The following DEAF1 variants were observed in gnomAD, a reference collection of about 807,000 sequenced individuals.
DEAF1 encodes the protein deformed epidermal autoregulatory factor 1 homolog.
Under a neutral mutation model 58.9 loss-of-function variants are expected in DEAF1, and 53 were observed. The observed-to-expected ratio is 0.90, with a 90% CI of 0.72 to 1.13. The LOEUF is 1.13. Among genes scored for constraint, DEAF1 ranks in the 50% most tolerant of loss-of-function variants. DEAF1 has a pLI of 0.00. For missense variants in DEAF1, 685 were observed against 791.4 expected, an observed-to-expected ratio of 0.87 and a Z score of 1.61; for synonymous variants, 385 against 340.4, an observed-to-expected ratio of 1.13 and a Z score of -1.44.
chr11:692,784 G>A (rs1440935209), intron 1 of DEAF1, among the ~76,000 whole-genome samples: 9 of 151,994 alleles, frequency 5.9e-5, no homozygotes, highest in Non-Finnish European at 1.2e-4. Context: ...CCCGGGAGGC[G>A]GGAGGTTGCG....
At chr11:651,696 C>T (rs1858779759) in intron 11 of DEAF1, among the ~76,000 whole-genome samples, 1 of 152,154 alleles carries the variant, frequency 6.6e-6, no homozygotes. Context: ...ACCATCCTGG[C>T]TAACACAGTG....
intron 1 of DEAF1, chr11:703,704 C>T: frequency 8.1e-7 from 1 of 1,232,524 alleles, no homozygotes; most frequent in Non-Finnish European, 1.0e-6. Flanking sequence ...AGGCCCGGTG[C>T]AAGAGTGGAC....
At position 674,697 on chromosome 11, in the gene DEAF1, A is replaced by C; in HGVS notation, c.1342T>G (p.Ser448Ala). ...PPALVNGLEL[S>A]EPRSWLYLEE... Reference sequence around the variant, plus strand: ...AGGTACAGCCAGCTCCGCGGCTCTGACAGCTCCAGCCCATTGACCAACGCG... The same window carrying C: ...AGGTACAGCCAGCTCCGCGGCTCTGCCAGCTCCAGCCCATTGACCAACGCG... The change falls in exon 10 of 12, where the codon TCA becomes GCA. Residue 448 changes from serine (S) to alanine (A), a missense_variant. Coordinates refer to ENST00000382409, the MANE Select transcript of DEAF1 (RefSeq NM_021008.4). 6.2e-7 allele frequency: 1 copy of C among 1,614,012 alleles called. No homozygotes were observed. The highest frequency in any genetic ancestry group is 8.5e-7 in the Non-Finnish European group (1 of 1,180,032).
chr11:692,751 C>G (rs1357814435), intron 1 of DEAF1, among the ~76,000 whole-genome samples: 2 of 151,994 alleles, frequency 1.3e-5, no homozygotes. Context: ...ACTCGGGAGG[C>G]TGAGGCAGGA....
At chr11:674,134 G>A in intron 10 of DEAF1, 2 of 297,244 alleles carry the variant, frequency 6.7e-6, no homozygotes, top group South Asian at 6.3e-5. Context: ...CTCCCAGGAA[G>A]GGGCTCAGCA....
Position 700,794 on chromosome 11 carries a change from G to A in DEAF1, c.-438+5778C>T, listed in dbSNP as rs900903740. 9.3e-5 allele frequency: 118 copies of A among 1,267,000 alleles called. 1 individual carries two copies. Among genetic ancestry groups the A allele is most frequent in the Middle Eastern group, 7.4e-4 (4 of 5,380 alleles). The allele number at this position is 1,267,000 out of a possible 1,614,324, so 78.5% of individuals were successfully genotyped here. On this transcript the variant is annotated intron_variant, in intron 1 of 11. Coordinates refer to the DEAF1 transcript ENST00000683307. ...CTTTCAAGAGTAATTATTTTATAGT[G>A]TGGTTCTCAGAGACATTTTTTATCC...
chr11:697,493 G>C (rs1861251863), upstream of DEAF1: 1 of 152,198 alleles, frequency 6.6e-6, no homozygotes. Context: ...TCTGGTTATA[G>C]CCGCCCTTCA....
chr11:698,856 C>T, upstream of DEAF1: 6 of 1,614,178 alleles, frequency 3.7e-6, no homozygotes, highest in Non-Finnish European at 5.1e-6. Context: ...CTCACGGCCC[C>T]TTTCTCTTTC....
upstream of DEAF1, chr11:698,893 C>T (rs1233019705): frequency 3.7e-6 from 6 of 1,614,092 alleles, no homozygotes; most frequent in Non-Finnish European, 5.1e-6. Flanking sequence ...ACAGTGGTAT[C>T]CTGCTGCGTG....
chr11:650,855 C>A (rs1029777688), intron 11 of DEAF1, among the ~76,000 whole-genome samples: 2 of 152,068 alleles, frequency 1.3e-5, no homozygotes, highest in Non-Finnish European at 2.9e-5. Flanking sequence ...GAGTCAAGAT[C>A]ATGCCACTGC....
rs1370744624 is a variant in DEAF1 at position 703,731 on chromosome 11, A to C, written c.-438+2841T>G. ...AGAGTGGACTCTGGGTTCCTAAAGC[A>C]ATAAATGCAAACAAGCCAACAGCTC... On this transcript the variant is annotated intron_variant, in intron 1 of 11. Coordinates refer to the DEAF1 transcript ENST00000683307. 13 of 1,232,494 alleles carry C rather than the reference A, an allele frequency of 1.1e-5. No homozygotes were observed. In the Admixed American group the frequency reaches 1.7e-4, roughly 16 times the overall value. 76.3% of individuals were successfully genotyped at this position (1,232,494 alleles called of 1,614,324 possible).
chr11:667,432 AAAGG>A (rs148182090), intron 10 of DEAF1, among the ~76,000 whole-genome samples: 37 of 97,538 alleles, frequency 3.8e-4, no homozygotes, highest in African/African-American at 9.8e-4. Context: ...GGAAAAGAGG[AAAGG>A]AAGGAAGGAA....
upstream of DEAF1, chr11:695,729 G>A (rs1328384071): frequency 5.6e-6 from 7 of 1,241,054 alleles, no homozygotes; most frequent in South Asian, 1.8e-4. Flanking sequence ...GCGCGGTCGG[G>A]CCCCTTCGTC....
chr11:673,751 G>A (rs1229404383), intron 10 of DEAF1, among the ~76,000 whole-genome samples: 2 of 151,922 alleles, frequency 1.3e-5, no homozygotes, highest in Admixed American at 6.6e-5. Context: ...TCACCTTCTC[G>A]TCCCCGTGCC....
At chr11:676,684 A>T (rs1326569880) in intron 9 of DEAF1, among the ~76,000 whole-genome samples, 1 of 151,926 alleles carries the variant, frequency 6.6e-6, no homozygotes, top group Non-Finnish European at 1.5e-5. Context: ...TTGTATTTTT[A>T]GTAGAGATGG....
At chr11:691,451 C>T (rs774729594) in intron 2 of DEAF1, 50 bp downstream of exon 2, 4 of 1,562,114 alleles carry the variant, frequency 2.6e-6, no homozygotes, top group African/African-American at 2.7e-5. Context: ...AGCCGGAGGC[C>T]CCCAGCGTGG....
rs548033890 is a variant in DEAF1 at position 645,751 on chromosome 11, C to A, written c.1594-1097G>T. ...GGTCAGCACACAGAACCAGGCTCTG[C>A]CTCCCTGCTACGTCGAGCACCTCGG... On this transcript the variant is annotated intron_variant, in intron 11 of 11. Coordinates refer to ENST00000382409, the MANE Select transcript of DEAF1 (RefSeq NM_021008.4). 1.4e-4 allele frequency among the ~76,000 whole-genome samples: 22 copies of A among 152,354 alleles called. No individual in the cohort carries two copies. The South Asian group carries it at 4.6e-3, about 32-fold the overall frequency.
chr11:685,827 C>A (rs868736193), intron 5 of DEAF1, among the ~76,000 whole-genome samples: 4 of 151,324 alleles, frequency 2.6e-5, no homozygotes, highest in Admixed American at 6.6e-5. Flanking sequence ...ACCAACCTGA[C>A]CAACATGGTT....
At chr11:695,859 G>A, upstream of DEAF1, 8 of 1,228,420 alleles carry the variant, frequency 6.5e-6, no homozygotes, top group East Asian at 3.2e-5. Context: ...GAGCTCGGGC[G>A]GGGTGGGGGC....
Sources: allele counts gnomAD v4.1 joint callset (sites outside exome capture counted in the v4.1 genomes callset), GRCh38; gene constraint gnomAD v4.1.1; transcripts MANE v1.5; gene names NCBI Gene and HGNC (gene_info 2026-07-23, HGNC 2026-07-21).